The following STAU2 variants were observed in gnomAD, a reference collection of about 807,000 sequenced individuals.
STAU2 encodes the protein staufen double-stranded RNA binding protein 2, also known as double-stranded RNA-binding protein Staufen homolog 2.
STAU2 carries 20 observed loss-of-function variants against 65.9 expected under a neutral mutation model. That is an observed-to-expected ratio of 0.30 (90% confidence interval 0.21 to 0.44). STAU2 has a LOEUF of 0.44. Ranked by LOEUF, STAU2 falls within the 20% of genes least tolerant of loss-of-function variation. The pLI, the probability that STAU2 is intolerant of heterozygous loss-of-function variation, is 1.00. For missense variants in STAU2, 558 were observed against 683.9 expected, an observed-to-expected ratio of 0.82 and a Z score of 2.05; for synonymous variants, 232 against 233.9, an observed-to-expected ratio of 0.99 and a Z score of 0.07.
At chr8:73,569,394 T>C (rs557161372) in intron 12 of STAU2, among the ~76,000 whole-genome samples, 169 of 152,180 alleles carry the variant, frequency 1.1e-3, no homozygotes, top group Non-Finnish European at 2.0e-3. Context: ...AGGGCATAGC[T>C]GAACAAAAGT....
intron 5 of STAU2, among the ~76,000 whole-genome samples, chr8:73,682,265 T>C (rs984792388): frequency 6.6e-6 from 1 of 151,816 alleles, no homozygotes; most frequent in Non-Finnish European, 1.5e-5. Flanking sequence ...ATCAAAATTA[T>C]ATCAACTACT....
intron 1 of STAU2, 105 bp from the exon 2 acceptor site, chr8:73,739,973 A>C: frequency 3.2e-6 from 2 of 632,224 alleles, no homozygotes; most frequent in Non-Finnish European, 5.6e-6. Context: ...AGAGGGAGGC[A>C]GATGCCAAAC....
At chr8:73,699,266 C>A (rs937865048) in intron 4 of STAU2, among the ~76,000 whole-genome samples, 1 of 151,504 alleles carries the variant, frequency 6.6e-6, no homozygotes, top group African/African-American at 2.4e-5. Context: ...CCTTAAAGAA[C>A]TAGAAAAATA....
intron 3 of STAU2, among the ~76,000 whole-genome samples, chr8:73,718,858 C>A (rs1286391990): frequency 1.3e-5 from 2 of 152,156 alleles, no homozygotes; most frequent in Non-Finnish European, 2.9e-5. Context: ...TATAGAAACA[C>A]AATTGGTTTT....
At chr8:73,549,955 T>A (rs187106000) in intron 13 of STAU2, 26 of 985,834 alleles carry the variant, frequency 2.6e-5, no homozygotes, top group Non-Finnish European at 2.4e-6. Flanking sequence ...CTGAGAGGGT[T>A]ACCTATAAAG....
intron 13 of STAU2, among the ~76,000 whole-genome samples, chr8:73,446,012 A>C (rs4738358): frequency 0.44 from 67,393 of 152,056 alleles, 15,318 homozygotes; most frequent in Admixed American, 0.57. Context: ...TATATCCATA[A>C]AAAAACCTGT....
chr8:73,548,561 A>T (rs1042079184), intron 13 of STAU2, among the ~76,000 whole-genome samples: 4 of 152,240 alleles, frequency 2.6e-5, no homozygotes, highest in Non-Finnish European at 5.9e-5. Context: ...TTTGAAAAGG[A>T]AGATTTTAAT....
chr8:73,572,292 G>A (rs1264754344), intron 12 of STAU2, among the ~76,000 whole-genome samples: 1 of 152,158 alleles, frequency 6.6e-6, no homozygotes, highest in Non-Finnish European at 1.5e-5. Context: ...AGGACCAGAT[G>A]GATTCACAGC....
At chr8:73,551,313 CAAGTT>C (rs1373311887) in intron 13 of STAU2, 4 of 987,358 alleles carry the variant, frequency 4.1e-6, no homozygotes, top group East Asian at 1.1e-4. Context: ...ACATACACAA[CAAGTT>C]AAGTTAAACT....
At chr8:73,498,332 C>A (rs1821544511) in intron 13 of STAU2, among the ~76,000 whole-genome samples, 1 of 151,900 alleles carries the variant, frequency 6.6e-6, no homozygotes, top group African/African-American at 2.4e-5. Flanking sequence ...AGGAGACATT[C>A]AGTGTTTGTT....
intron 13 of STAU2, chr8:73,551,225 G>C: frequency 2.0e-6 from 2 of 987,516 alleles, no homozygotes; most frequent in African/African-American, 3.5e-5. Flanking sequence ...CCATAAAGGA[G>C]TGCTGATTTT....
At chr8:73,546,908 AAT>A (rs1806975651) in intron 13 of STAU2, among the ~76,000 whole-genome samples, 1 of 152,216 alleles carries the variant, frequency 6.6e-6, no homozygotes, top group African/African-American at 2.4e-5. Context: ...AAGGAAATGT[AAT>A]GCATCTTTAG....
chr8:73,535,681 A>G (rs527505725), intron 13 of STAU2, among the ~76,000 whole-genome samples: 2 of 152,220 alleles, frequency 1.3e-5, no homozygotes, highest in East Asian at 1.9e-4. Context: ...TGACATACCT[A>G]TATACATCAT....
chr8:73,531,780 T>C (rs950036500), intron 13 of STAU2, among the ~76,000 whole-genome samples: 1 of 152,266 alleles, frequency 6.6e-6, no homozygotes, highest in Non-Finnish European at 1.5e-5. Flanking sequence ...CCATTCATTG[T>C]GTCTGTAACA....
chr8:73,525,853 G>A (rs892733592), intron 13 of STAU2, among the ~76,000 whole-genome samples: 1 of 152,212 alleles, frequency 6.6e-6, no homozygotes, highest in Non-Finnish European at 1.5e-5. Flanking sequence ...CAAAAAGGTG[G>A]AGTTGCTAGA....
intron 3 of STAU2, among the ~76,000 whole-genome samples, chr8:73,709,827 CCTT>C (rs1189295396): frequency 6.6e-6 from 1 of 151,646 alleles, no homozygotes; most frequent in Non-Finnish European, 1.5e-5. Context: ...CTGTTAAGTT[CCTT>C]ATTATCTTTT....
intron 13 of STAU2, among the ~76,000 whole-genome samples, chr8:73,547,219 G>C (rs1806994412): frequency 1.3e-5 from 2 of 152,184 alleles, no homozygotes. Context: ...CTCAAAATAA[G>C]TATCATAGCA....
chr8:73,712,767 CA>C (rs1288907865), intron 3 of STAU2, among the ~76,000 whole-genome samples: 2 of 152,048 alleles, frequency 1.3e-5, no homozygotes, highest in African/African-American at 4.8e-5. Flanking sequence ...ACAGCCTGGA[CA>C]ACATAGCGAG....
intron 10 of STAU2, among the ~76,000 whole-genome samples, chr8:73,600,152 CTT>C (rs1811526902): frequency 1.3e-5 from 2 of 152,138 alleles, no homozygotes; most frequent in African/African-American, 4.8e-5. Flanking sequence ...AAAATACAAA[CTT>C]AAACATAAAC....
Sources: gnomAD v4.1 joint callset for allele counts (sites outside exome capture counted in the v4.1 genomes callset) on GRCh38, gnomAD v4.1.1 for gene constraint, MANE v1.5 for transcripts, NCBI Gene and HGNC (gene_info 2026-07-23, HGNC 2026-07-21) for gene names.